ESRRG: variants seen among roughly 807,000 people sequenced by gnomAD.
The protein encoded by ESRRG is estrogen-related receptor gamma.
Under a neutral mutation model 44.0 loss-of-function variants are expected in ESRRG, and 13 were observed. The observed-to-expected ratio is 0.30, with a 90% CI of 0.19 to 0.47. The LOEUF (loss-of-function observed/expected upper bound fraction) is 0.47. ESRRG is among the 20% of genes least tolerant of loss of function. ESRRG has a pLI of 1.00. For missense variants in ESRRG, 395 were observed against 580.6 expected (o/e 0.68, Z 3.29); for synonymous variants, 215 against 214.6 (o/e 1.00, Z -0.02).
At chr1:217,040,156 A>G (rs777295526) in intron 1 of ESRRG, among the ~76,000 whole-genome samples, 24 of 152,336 alleles carry the variant, frequency 1.6e-4, no homozygotes, top group Non-Finnish European at 2.9e-5. Flanking sequence ...CTGGTTCATA[A>G]GAACTATGTT....
At chr1:216,932,061 G>A (rs560823541) in intron 2 of ESRRG, among the ~76,000 whole-genome samples, 51 of 152,006 alleles carry the variant, frequency 3.4e-4, no homozygotes, top group Admixed American at 7.2e-4. Context: ...AAAATCAGCC[G>A]GACATGGTGG....
intron 3 of ESRRG, among the ~76,000 whole-genome samples, chr1:216,610,209 CTTTT>C (rs77574879): frequency 2.1e-5 from 3 of 140,274 alleles, no homozygotes. Flanking sequence ...AAATTCAGTG[CTTTT>C]TTTTTTTTTT....
In ESRRG at chr1:216,679,710, C is replaced by T. The variant is rs181793002; in HGVS notation, c.57-2219G>A. ...GACCCTCTTTTTAAATTTTTTTTCC[C>T]TCTCTCTCTTTTCCTGTATCTTCCA... On this transcript the variant is annotated intron_variant, in intron 1 of 6. Transcript: ENST00000408911. 8.3e-3 allele frequency among the ~76,000 whole-genome samples: 1,236 copies of T among 148,420 alleles called. 8 individuals are homozygous for T. Among genetic ancestry groups the T allele is most frequent in the Non-Finnish European group, 0.013 (870 of 67,444 alleles).
intron 2 of ESRRG, among the ~76,000 whole-genome samples, chr1:216,923,051 T>C (rs1228381108): frequency 6.6e-6 from 1 of 152,190 alleles, no homozygotes; most frequent in African/African-American, 2.4e-5. Context: ...CTCGGGTTCT[T>C]TAATCACTGT....
chr1:216,907,451 G>A (rs2059812562), intron 2 of ESRRG, among the ~76,000 whole-genome samples: 1 of 152,180 alleles, frequency 6.6e-6, no homozygotes, highest in South Asian at 2.1e-4. Context: ...CTGGAACTGG[G>A]AAAAAGGACT....
In ESRRG at chr1:216,505,884, C is replaced by CA. The variant is rs1159369187; in HGVS notation, c.*1054dup. 6 of 152,474 alleles carry CA rather than the reference C, an allele frequency of 3.9e-5. No individual in the cohort carries two copies. The highest frequency in any genetic ancestry group is 1.2e-4 in the African/African-American group (5 of 41,394). The allele number at this position is 152,474 out of a possible 1,614,324, so 9.4% of individuals were successfully genotyped here. A position where few individuals can be genotyped will look rare whatever the true frequency, so the allele number is the denominator to read the frequency against. On this transcript the variant is annotated 3_prime_UTR_variant, in exon 7 of 7. Transcript: ENST00000408911. ...TGGCTGAAAAGTGGTAAAGCTGGTA[C>CA]AAAAAAATCTCCATTTGTAAGAAGA... is the stretch of plus-strand genomic sequence containing the variant.
At chr1:217,101,516 T>C (rs2092512067) in intron 1 of ESRRG, among the ~76,000 whole-genome samples, 2 of 152,236 alleles carry the variant, frequency 1.3e-5, no homozygotes, top group African/African-American at 4.8e-5. Flanking sequence ...ACTGATAAGA[T>C]AGAAAATTGA....
chr1:216,513,057 C>T (rs906531856), intron 6 of ESRRG, among the ~76,000 whole-genome samples: 4 of 152,122 alleles, frequency 2.6e-5, no homozygotes, highest in Non-Finnish European at 5.9e-5. Context: ...AACTGATCGA[C>T]GTTTGACATC....
chr1:217,003,572 A>AATTAATATTAATTAAT (rs1553766327), intron 1 of ESRRG, among the ~76,000 whole-genome samples: 19 of 103,630 alleles, frequency 1.8e-4, no homozygotes, highest in Admixed American at 1.7e-3. Flanking sequence ...TATTAATACT[A>AATTAATATTAATTAAT]ATTAATAAGT....
At chr1:216,715,517 A>G (rs924200241) in intron 1 of ESRRG, among the ~76,000 whole-genome samples, 3 of 152,138 alleles carry the variant, frequency 2.0e-5, no homozygotes, top group Non-Finnish European at 4.4e-5. Context: ...CCCATCTTAC[A>G]TTTTTGGAGA....
At chr1:216,572,740 A>T (rs950457074) in intron 3 of ESRRG, among the ~76,000 whole-genome samples, 2 of 152,026 alleles carry the variant, frequency 1.3e-5, no homozygotes, top group African/African-American at 4.8e-5. Flanking sequence ...TCTTCTTACT[A>T]AAAAGCAAAT....
At chr1:216,942,464 T>C (rs994921) in intron 1 of ESRRG, among the ~76,000 whole-genome samples, 102,966 of 152,004 alleles carry the variant, frequency 0.68, 36,525 homozygotes, top group Middle Eastern at 0.85. Context: ...GGTAGTTCTG[T>C]TTTTAGTTAT....
intron 2 of ESRRG, among the ~76,000 whole-genome samples, chr1:216,939,240 G>C (rs191090714): frequency 1.2e-4 from 18 of 146,420 alleles, no homozygotes; most frequent in African/African-American, 4.5e-4. Flanking sequence ...GGTCAGTATA[G>C]TGAATCAATA....
chr1:217,045,359 T>C (rs1026183096), intron 1 of ESRRG, among the ~76,000 whole-genome samples: 26 of 152,078 alleles, frequency 1.7e-4, no homozygotes, highest in African/African-American at 6.3e-4. Flanking sequence ...AACCCAGAAG[T>C]GAATCCAAGA....
chr1:216,944,656 C>T (rs2065785399), intron 1 of ESRRG, among the ~76,000 whole-genome samples: 1 of 152,110 alleles, frequency 6.6e-6, no homozygotes, highest in Non-Finnish European at 1.5e-5. Context: ...AAGGGAAGTC[C>T]TGTAAGGCAA....
chr1:216,870,814 G>T (rs2096249671), intron 2 of ESRRG, among the ~76,000 whole-genome samples: 1 of 151,656 alleles, frequency 6.6e-6, no homozygotes, highest in Admixed American at 6.6e-5. Context: ...TCCTTTTAAT[G>T]GTTGTAGGAT....
At chr1:216,912,556 T>G (rs1356717149) in intron 2 of ESRRG, among the ~76,000 whole-genome samples, 2 of 152,076 alleles carry the variant, frequency 1.3e-5, no homozygotes, top group Non-Finnish European at 2.9e-5. Context: ...TTTACATCTG[T>G]CCCTCCCCAA....
intron 1 of ESRRG, among the ~76,000 whole-genome samples, chr1:217,051,090 C>G (rs990857418): frequency 2.6e-5 from 4 of 151,172 alleles, no homozygotes; most frequent in African/African-American, 9.7e-5. Flanking sequence ...GACTTTTTTC[C>G]TTCTTATTTC....
At chr1:216,620,215 C>A (rs1461569779) in intron 3 of ESRRG, among the ~76,000 whole-genome samples, 1 of 152,092 alleles carries the variant, frequency 6.6e-6, no homozygotes, top group East Asian at 1.9e-4. Context: ...ATCTCAGTTC[C>A]CCAATTTTCT....
Sources: allele counts gnomAD v4.1 joint callset (sites outside exome capture counted in the v4.1 genomes callset), GRCh38; gene constraint gnomAD v4.1.1; transcripts MANE v1.5; gene names NCBI Gene and HGNC (gene_info 2026-07-23, HGNC 2026-07-21).